The following TBC1D32 variants were observed in gnomAD, a reference collection of about 807,000 sequenced individuals.
TBC1D32 encodes TBC1 domain family member 32, also known as protein broad-minded.
Under a neutral mutation model 170.3 loss-of-function variants are expected in TBC1D32, and 151 were observed. The observed-to-expected ratio is 0.89, with a 90% CI of 0.78 to 1.01. The LOEUF (loss-of-function observed/expected upper bound fraction) is 1.01. TBC1D32 is among the 50% of genes least tolerant of loss of function. The pLI is 0.00. For missense variants in TBC1D32, 1,464 were observed against 1,457.1 expected (o/e 1.00, Z -0.08); for synonymous variants, 498 against 488.0 (o/e 1.02, Z -0.27).
chr6:121,112,568 A>C lies in TBC1D32; in HGVS notation c.3261T>G (p.Phe1087Leu), dbSNP rs199840167. 2 of 1,611,290 alleles carry C rather than the reference A, an allele frequency of 1.2e-6. No homozygotes were observed. Among genetic ancestry groups the C allele is most frequent in the Non-Finnish European group, 1.7e-6 (2 of 1,178,364 alleles). The change falls in exon 29 of 32, where the codon TTT becomes TTG. Residue 1087 changes from phenylalanine (F) to leucine (L), a missense_variant. By Grantham distance (22) the Phe-to-Leu change is conservative. This residue lies in a region of TBC1D32 where 1,363 missense variants were observed against 1,338.1 expected (regional missense o/e 1.02). Coordinates refer to ENST00000398212, the MANE Select transcript of TBC1D32 (RefSeq NM_152730.6). ...MLGDKEKTFQ[F>L]LHQFSRLLTS... Reference sequence around the variant, plus strand: ...TCAGAAGCCTGGAGAATTGATGAAGAAATTGGAATGTTTTTTCTTTGTCTC... The same window carrying C: ...TCAGAAGCCTGGAGAATTGATGAAGCAATTGGAATGTTTTTTCTTTGTCTC...
intron 30 of TBC1D32, among the ~76,000 whole-genome samples, chr6:121,101,402 C>T (rs185018285): frequency 1.3e-3 from 193 of 152,186 alleles, no homozygotes; most frequent in African/African-American, 4.3e-3. Flanking sequence ...ATCAAGTGGG[C>T]TTCATCCATG....
chr6:121,222,325 AC>A (rs1794617030), intron 21 of TBC1D32, among the ~76,000 whole-genome samples: 1 of 152,212 alleles, frequency 6.6e-6, no homozygotes, highest in Non-Finnish European at 1.5e-5. Context: ...ATGGAACTGA[AC>A]CCGCAATAAT....
chr6:121,173,791 C>T (rs1056982821), intron 22 of TBC1D32, among the ~76,000 whole-genome samples: 1 of 151,928 alleles, frequency 6.6e-6, no homozygotes, highest in African/African-American at 2.4e-5. Context: ...AGAAAAATTC[C>T]ATCTAACCAG....
intron 3 of TBC1D32, among the ~76,000 whole-genome samples, chr6:121,314,257 C>T (rs1808625813): frequency 6.6e-6 from 1 of 152,224 alleles, no homozygotes; most frequent in Non-Finnish European, 1.5e-5. Flanking sequence ...CACTGACTCT[C>T]CTGGGTTTCT....
At chr6:121,331,921 T>A (rs1419472450) in intron 1 of TBC1D32, among the ~76,000 whole-genome samples, 1 of 152,146 alleles carries the variant, frequency 6.6e-6, no homozygotes, top group East Asian at 1.9e-4. Context: ...AAAAATGACT[T>A]TTAGGATTCT....
chr6:121,304,357 G>A lies in TBC1D32; in HGVS notation c.935+8C>T, dbSNP rs374446617. 4.6e-4 allele frequency: 744 copies of A among 1,612,618 alleles called. No homozygotes were observed. Among genetic ancestry groups the A allele is most frequent in the Non-Finnish European group, 5.8e-4 (687 of 1,179,358 alleles). ...TTTTATGCTGGCATACATTGGGAGG[G>A]GACTTACTTCTCTGGATGACGAATC... is the stretch of plus-strand genomic sequence containing the variant. On this transcript the variant is annotated splice_region_variant and intron_variant, in intron 8 of 31. Coordinates refer to ENST00000398212, the MANE Select transcript of TBC1D32 (RefSeq NM_152730.6).
intron 24 of TBC1D32, among the ~76,000 whole-genome samples, chr6:121,144,022 T>C (rs1039217925): frequency 2.0e-5 from 3 of 152,188 alleles, no homozygotes; most frequent in African/African-American, 7.2e-5. Context: ...GCCTAGATCA[T>C]GCTGTCTTCC....
At chr6:121,129,394 T>C (rs1781187413) in intron 25 of TBC1D32, among the ~76,000 whole-genome samples, 1 of 152,212 alleles carries the variant, frequency 6.6e-6, no homozygotes, top group South Asian at 2.1e-4. Flanking sequence ...AGGTTAGGTA[T>C]GTTAAACGCA....
At chr6:121,327,469 T>C (rs915816952) in intron 1 of TBC1D32, among the ~76,000 whole-genome samples, 1 of 152,142 alleles carries the variant, frequency 6.6e-6, no homozygotes, top group Non-Finnish European at 1.5e-5. Context: ...TTTTAGAAAA[T>C]AATCTGGAGA....
At chr6:121,086,563 T>C (rs950058085) in intron 31 of TBC1D32, among the ~76,000 whole-genome samples, 16 of 152,164 alleles carry the variant, frequency 1.1e-4, no homozygotes, top group Non-Finnish European at 2.4e-4. Context: ...AATTTACTGA[T>C]TGAGTTGAAA....
rs1411581350 is a variant in TBC1D32 at position 121,156,267 on chromosome 6, A to AC, written c.2773+3742_2773+3743insG. On this transcript the variant is annotated intron_variant, in intron 24 of 31. Coordinates refer to ENST00000398212, the MANE Select transcript of TBC1D32 (RefSeq NM_152730.6). ...GATATCATGTTTTCAGGAACTTATC[A>AC]ATATCCTATAGACTTTCTAATTTGT... is the stretch of plus-strand genomic sequence containing the variant. Among the ~76,000 whole-genome samples, 5 of 151,894 alleles carry AC rather than the reference A, an allele frequency of 3.3e-5. No individual in the cohort carries two copies. In the East Asian group the frequency reaches 9.6e-4, roughly 29 times the overall value.
intron 20 of TBC1D32, among the ~76,000 whole-genome samples, chr6:121,233,463 T>C (rs1795980980): frequency 6.6e-6 from 1 of 152,148 alleles, no homozygotes; most frequent in Non-Finnish European, 1.5e-5. Context: ...TTATATAATA[T>C]CCTTCTTTGT....
At chr6:121,225,160 T>A (rs962144997) in intron 20 of TBC1D32, among the ~76,000 whole-genome samples, 1 of 152,028 alleles carries the variant, frequency 6.6e-6, no homozygotes, top group African/African-American at 2.4e-5. Context: ...GGGTTCATAG[T>A]CACCTAGGAA....
At chr6:121,215,267 C>T (rs1048697334) in intron 21 of TBC1D32, among the ~76,000 whole-genome samples, 1 of 152,206 alleles carries the variant, frequency 6.6e-6, no homozygotes, top group Non-Finnish European at 1.5e-5. Context: ...TTCAGGCCAA[C>T]CATGGCTTGA....
At chr6:121,202,328 G>A (rs1791689336) in intron 22 of TBC1D32, among the ~76,000 whole-genome samples, 1 of 148,392 alleles carries the variant, frequency 6.7e-6, no homozygotes, top group African/African-American at 2.5e-5. Flanking sequence ...CAATAAGAGT[G>A]TGTGATACAC....
At chr6:121,088,814 G>A (rs1039123024) in intron 31 of TBC1D32, among the ~76,000 whole-genome samples, 16 of 152,090 alleles carry the variant, frequency 1.1e-4, no homozygotes, top group Non-Finnish European at 1.8e-4. Context: ...TTAAACCAAC[G>A]CTATTCAAAT....
intron 22 of TBC1D32, among the ~76,000 whole-genome samples, chr6:121,179,334 T>C (rs931241035): frequency 6.6e-6 from 1 of 150,452 alleles, no homozygotes; most frequent in Non-Finnish European, 1.5e-5. Context: ...GAAAATTACA[T>C]AGGTGGCCTG....
rs987406638 is a variant in TBC1D32, at chr6:121,291,932, A to C, written c.1372+121T>G. 13 of 1,057,248 alleles carry C rather than the reference A, an allele frequency of 1.2e-5. No homozygotes were observed. The Admixed American group carries it at 4.6e-4, about 37-fold the overall frequency. 65.5% of individuals were successfully genotyped at this position (1,057,248 alleles called of 1,614,324 possible). On this transcript the variant is annotated intron_variant, in intron 12 of 31. Coordinates refer to ENST00000398212, the MANE Select transcript of TBC1D32 (RefSeq NM_152730.6). The stretch of plus-strand genomic sequence containing the variant: ...TTCAAAGTGTATAAGCTATCAATAG[A>C]CTAAAAGGTATGTAGCTAAGTACCG...
chr6:121,243,314 T>C (rs962976631), intron 17 of TBC1D32, among the ~76,000 whole-genome samples: 3 of 151,998 alleles, frequency 2.0e-5, no homozygotes, highest in African/African-American at 7.2e-5. Flanking sequence ...GTAAAAGGGT[T>C]GGGGGAAGGA....
Sources: gnomAD v4.1 joint callset for allele counts (sites outside exome capture counted in the v4.1 genomes callset) on GRCh38, gnomAD v4.1.1 for gene constraint, gnomAD v4.1.1 regional missense constraint, MANE v1.5 for transcripts, NCBI Gene and HGNC (gene_info 2026-07-23, HGNC 2026-07-21) for gene names.